Variants in SNX6 observed in about 807,000 individuals in gnomAD.
SNX6 encodes the protein sorting nexin-6.
A neutral mutation model predicts 63.0 loss-of-function variants in SNX6; 34 were observed. The observed-to-expected ratio is 0.54, with a 90% confidence interval of 0.41 to 0.72. The LOEUF is 0.72. Among genes scored for constraint, SNX6 ranks in the 30% least tolerant of loss-of-function variants. The probability of loss-of-function intolerance (pLI) is 0.00; values close to 1 mark genes in which losing one functional copy is unlikely to be tolerated. For synonymous variants in SNX6, 170 were observed against 164.2 expected (o/e 1.04, Z -0.27); for missense variants, 398 against 471.4 (o/e 0.84, Z 1.44).
Position 34,562,974 on chromosome 14 carries a change from C to T in SNX6, c.*148G>A, listed in dbSNP as rs1441118282. On this transcript the variant is annotated 3_prime_UTR_variant, in exon 14 of 14. Transcript: ENST00000362031. ...TGGCATCGCCTGGGCGTGCGCTGCT[C>T]CATGTTTCTCAGAAAAAGAGGAGTT... 1.6e-5 allele frequency: 12 copies of T among 751,910 alleles called. No homozygotes were observed. Among genetic ancestry groups the T allele is most frequent in the Non-Finnish European group, 2.7e-5 (12 of 447,762 alleles). 46.6% of individuals were successfully genotyped at this position (751,910 alleles called of 1,614,324 possible).
intron 11 of SNX6, chr14:34,569,040 G>C: frequency 1.4e-6 from 2 of 1,414,654 alleles, no homozygotes; most frequent in Non-Finnish European, 2.0e-6. Flanking sequence ...CCCATTCGGG[G>C]ACTTTCAGCT....
chr14:34,618,137 T>C (rs1427731931), intron 2 of SNX6, among the ~76,000 whole-genome samples: 1 of 152,148 alleles, frequency 6.6e-6, no homozygotes, highest in African/African-American at 2.4e-5. Context: ...AACTGATCTC[T>C]TACTTCAGCC....
intron 11 of SNX6, among the ~76,000 whole-genome samples, chr14:34,570,906 G>C (rs1881422808): frequency 6.6e-6 from 1 of 150,716 alleles, no homozygotes; most frequent in African/African-American, 2.4e-5. Context: ...TTGTATTTTA[G>C]TAGAGATGGG....
chr14:34,629,330 T>G, intron 2 of SNX6: 1 of 346,010 alleles, frequency 2.9e-6, no homozygotes, highest in Non-Finnish European at 5.8e-6. Flanking sequence ...AAAGACAGGA[T>G]TTGTTGGATA....
At chr14:34,600,444 T>C (rs78578204) in intron 6 of SNX6, among the ~76,000 whole-genome samples, 10 of 137,216 alleles carry the variant, frequency 7.3e-5, no homozygotes, top group African/African-American at 2.6e-4. Flanking sequence ...CTTCTTCTTC[T>C]TTTTTTTTTT....
chr14:34,622,309 G>C (rs556073873), intron 2 of SNX6, among the ~76,000 whole-genome samples: 29 of 150,124 alleles, frequency 1.9e-4, no homozygotes, highest in Non-Finnish European at 4.0e-4. Context: ...GGCCGGGCAC[G>C]GTGGCTCATG....
At chr14:34,625,385 C>T (rs1158918365) in intron 2 of SNX6, among the ~76,000 whole-genome samples, 1 of 152,272 alleles carries the variant, frequency 6.6e-6, no homozygotes, top group Middle Eastern at 3.4e-3. Flanking sequence ...TAACTTTCTG[C>T]AGCAGTAATC....
chr14:34,586,838 T>C (rs552637739), intron 8 of SNX6, among the ~76,000 whole-genome samples: 1 of 151,218 alleles, frequency 6.6e-6, no homozygotes, highest in South Asian at 2.1e-4. Flanking sequence ...TAAAACCCCG[T>C]CTCTACTAAA....
At chr14:34,627,944 C>G (rs1883892751) in intron 2 of SNX6, among the ~76,000 whole-genome samples, 1 of 152,174 alleles carries the variant, frequency 6.6e-6, no homozygotes, top group Non-Finnish European at 1.5e-5. Flanking sequence ...TTACCAACAA[C>G]TAGTAATTCT....
chr14:34,586,416 T>C (rs1387816876), intron 8 of SNX6, 111 bp from the exon 9 acceptor site: 2 of 505,314 alleles, frequency 4.0e-6, no homozygotes, highest in Non-Finnish European at 6.9e-6. Context: ...GTAAAGAAAA[T>C]AACGCAAGCA....
intron 11 of SNX6, among the ~76,000 whole-genome samples, chr14:34,573,466 T>C (rs144311978): frequency 0.021 from 3,180 of 152,020 alleles, 106 homozygotes; most frequent in African/African-American, 0.068. Context: ...TCCCAGCTAC[T>C]CAGGACGCGG....
intron 2 of SNX6, among the ~76,000 whole-genome samples, chr14:34,610,069 T>C (rs1421002551): frequency 6.6e-6 from 1 of 151,926 alleles, no homozygotes; most frequent in Non-Finnish European, 1.5e-5. Context: ...TTCAGCCAGA[T>C]GTGATGGCTC....
intron 2 of SNX6, among the ~76,000 whole-genome samples, chr14:34,620,361 T>A (rs1883577126): frequency 6.6e-6 from 1 of 152,176 alleles, no homozygotes. Flanking sequence ...ACGCCTGTAG[T>A]CCCAGCTACT....
intron 8 of SNX6, among the ~76,000 whole-genome samples, chr14:34,586,711 C>CA (rs1216972959): frequency 7.4e-6 from 1 of 134,860 alleles, no homozygotes; most frequent in African/African-American, 2.8e-5. Context: ...CCGTCTCAAA[C>CA]AAAAAAACAA....
intron 10 of SNX6, among the ~76,000 whole-genome samples, chr14:34,580,215 CA>C (rs1460397646): frequency 1.3e-5 from 2 of 152,192 alleles, no homozygotes; most frequent in Middle Eastern, 3.4e-3. Context: ...AAAAACAAAA[CA>C]AAAAACCCAA....
intron 11 of SNX6, chr14:34,569,056 G>C: frequency 7.8e-7 from 1 of 1,279,888 alleles, no homozygotes; most frequent in Non-Finnish European, 1.1e-6. Context: ...CAGCTTCCCA[G>C]ACTTTCTGAG....
chr14:34,605,741 T>C, intron 4 of SNX6, 24 bp from the exon 5 acceptor site: 1 of 1,583,852 alleles, frequency 6.3e-7, no homozygotes, highest in Non-Finnish European at 8.5e-7. Context: ...AAATGACTAA[T>C]TTTAAGGAAA....
chr14:34,583,435 TTC>T (rs1653432389), intron 9 of SNX6, among the ~76,000 whole-genome samples: 1 of 119,628 alleles, frequency 8.4e-6, no homozygotes, highest in Non-Finnish European at 1.9e-5. Context: ...ATTCATTTTT[TTC>T]TTTTTTTTTT....
intron 4 of SNX6, among the ~76,000 whole-genome samples, chr14:34,607,018 T>G (rs1409811368): frequency 2.0e-5 from 3 of 151,820 alleles, no homozygotes; most frequent in Non-Finnish European, 4.4e-5. Context: ...GACCTCATGA[T>G]CCACCCGCCT....
Sources: allele counts gnomAD v4.1 joint callset (sites outside exome capture counted in the v4.1 genomes callset), GRCh38; gene constraint gnomAD v4.1.1; transcripts MANE v1.5; gene names NCBI Gene and HGNC (gene_info 2026-07-23, HGNC 2026-07-21).